The following COMMD10 variants were observed in gnomAD, a reference collection of about 807,000 sequenced individuals.
The protein encoded by COMMD10 is COMM domain-containing protein 10.
Under a neutral mutation model 28.9 loss-of-function variants are expected in COMMD10, and 33 were observed. The ratio of observed to expected loss-of-function variants is 1.14; its 90% CI spans 0.87 to 1.53. The LOEUF is 1.53. Ranked by LOEUF, COMMD10 falls within the 40% of genes most tolerant of loss-of-function variation. COMMD10 has a pLI of 0.00. For synonymous variants in COMMD10, 110 were observed against 81.7 expected (o/e 1.35, Z -1.87); for missense variants, 310 against 233.4 (o/e 1.33, Z -2.14).
chr5:116,255,356 T>G (rs1179122868), intron 5 of COMMD10, among the ~76,000 whole-genome samples: 2 of 151,676 alleles, frequency 1.3e-5, no homozygotes, highest in Non-Finnish European at 2.9e-5. Flanking sequence ...GTTAGCTGGT[T>G]ATTTTGCTCG....
chr5:116,253,934 TTC>T (rs1278587101), intron 5 of COMMD10, among the ~76,000 whole-genome samples: 3 of 151,964 alleles, frequency 2.0e-5, no homozygotes, highest in Admixed American at 6.6e-5. Context: ...TCCTGGACTC[TTC>T]TTGGTTGGTA....
At chr5:116,127,061 A>G (rs1392379121) in intron 4 of COMMD10, among the ~76,000 whole-genome samples, 1 of 152,230 alleles carries the variant, frequency 6.6e-6, no homozygotes, top group Non-Finnish European at 1.5e-5. Context: ...TCTACAAAGA[A>G]CTTGAACAAA....
intron 4 of COMMD10, among the ~76,000 whole-genome samples, chr5:116,122,727 T>C (rs1201175702): frequency 6.6e-6 from 1 of 152,198 alleles, no homozygotes; most frequent in Non-Finnish European, 1.5e-5. Context: ...CTAGGTATTT[T>C]ATTCTCTTTG....
At chr5:116,230,277 C>T (rs1025505098) in intron 5 of COMMD10, among the ~76,000 whole-genome samples, 1 of 152,008 alleles carries the variant, frequency 6.6e-6, no homozygotes, top group African/African-American at 2.4e-5. Context: ...GGTGTAGTAG[C>T]ATCTTAAAAT....
At chr5:116,205,109 A>G (rs1208461020) in intron 5 of COMMD10, among the ~76,000 whole-genome samples, 3 of 152,192 alleles carry the variant, frequency 2.0e-5, no homozygotes, top group African/African-American at 7.2e-5. Flanking sequence ...GATGGTCATG[A>G]TCTGGTTTGT....
chr5:116,166,685 T>C (rs1478811909), intron 5 of COMMD10, among the ~76,000 whole-genome samples: 1 of 152,084 alleles, frequency 6.6e-6, no homozygotes, highest in Non-Finnish European at 1.5e-5. Context: ...CCTCCTCTGG[T>C]GATACCCAGG....
intron 1 of COMMD10, chr5:116,085,466 C>T: frequency 3.9e-6 from 1 of 255,622 alleles, no homozygotes; most frequent in South Asian, 8.6e-5. Context: ...GATTTCAGTT[C>T]CGGTTCAGAC....
rs190916928 is a variant in COMMD10 at position 116,273,781 on chromosome 5, A to G, written c.511-17736A>G. Among the ~76,000 whole-genome samples the G allele has an allele frequency of 1.8e-3, 270 of 151,820 alleles. 1 individual carries two copies. The highest frequency in any genetic ancestry group is 3.4e-3 in the Middle Eastern group (1 of 294). Reference sequence around the variant, plus strand: ...ACTGGAGTTTTGAAACTGACACTCAAATTTTTTATTGACTTCATATGAATA... The same window carrying G: ...ACTGGAGTTTTGAAACTGACACTCAGATTTTTTATTGACTTCATATGAATA... On this transcript the variant is annotated intron_variant, in intron 5 of 6. Coordinates refer to ENST00000274458, the MANE Select transcript of COMMD10 (RefSeq NM_016144.4).
At chr5:116,286,081 T>C (rs1483211238) in intron 5 of COMMD10, among the ~76,000 whole-genome samples, 1 of 151,872 alleles carries the variant, frequency 6.6e-6, no homozygotes, top group African/African-American at 2.4e-5. Context: ...ATTCATGATT[T>C]AGTCTTAGTA....
At chr5:116,292,188 G>C (rs1314692767) in intron 6 of COMMD10, among the ~76,000 whole-genome samples, 1 of 151,316 alleles carries the variant, frequency 6.6e-6, no homozygotes, top group African/African-American at 2.4e-5. Context: ...AAAGGAAACA[G>C]CTGAAGACAC....
At chr5:116,101,205 G>T (rs765005359) in intron 4 of COMMD10, among the ~76,000 whole-genome samples, 1 of 152,098 alleles carries the variant, frequency 6.6e-6, no homozygotes, top group East Asian at 1.9e-4. Flanking sequence ...TGATAAACAG[G>T]AGTGCAAGTA....
chr5:116,286,301 A>G (rs1751216026), intron 5 of COMMD10, among the ~76,000 whole-genome samples: 1 of 148,404 alleles, frequency 6.7e-6, no homozygotes, highest in Middle Eastern at 3.4e-3. Context: ...TGATCTTTTT[A>G]AAAAACTAAC....
chr5:116,109,842 T>C (rs1179084764), intron 4 of COMMD10, among the ~76,000 whole-genome samples: 1 of 152,256 alleles, frequency 6.6e-6, no homozygotes, highest in Non-Finnish European at 1.5e-5. Flanking sequence ...TTTTACTTTC[T>C]CTTTTCCCAT....
chr5:116,138,307 A>G (rs1296240495), intron 5 of COMMD10, among the ~76,000 whole-genome samples: 2 of 151,814 alleles, frequency 1.3e-5, no homozygotes, highest in African/African-American at 2.4e-5. Context: ...TAATTTCTTC[A>G]TGAGAAAAAA....
chr5:116,252,295 T>G (rs1332409822), intron 5 of COMMD10, among the ~76,000 whole-genome samples: 1 of 142,786 alleles, frequency 7.0e-6, no homozygotes, highest in Non-Finnish European at 1.5e-5. Flanking sequence ...CAGAAGCTCT[T>G]TAGTTTAATT....
chr5:116,129,216 A>G (rs1031124575), intron 4 of COMMD10, among the ~76,000 whole-genome samples: 2 of 151,168 alleles, frequency 1.3e-5, no homozygotes, highest in East Asian at 3.9e-4. Flanking sequence ...AGCCCCATAT[A>G]TTCTTTATCC....
intron 5 of COMMD10, among the ~76,000 whole-genome samples, chr5:116,194,287 C>G (rs1331500757): frequency 1.3e-5 from 2 of 151,914 alleles, no homozygotes; most frequent in African/African-American, 4.8e-5. Flanking sequence ...CAAACCAAAC[C>G]CAAACCCAGC....
At chr5:116,121,556 C>G (rs1014956964) in intron 4 of COMMD10, among the ~76,000 whole-genome samples, 2 of 152,214 alleles carry the variant, frequency 1.3e-5, no homozygotes, top group Non-Finnish European at 2.9e-5. Flanking sequence ...GGAATCGCCA[C>G]ACTGTCTTCC....
At chr5:116,191,460 G>A (rs1274534931) in intron 5 of COMMD10, among the ~76,000 whole-genome samples, 1 of 151,940 alleles carries the variant, frequency 6.6e-6, no homozygotes, top group Non-Finnish European at 1.5e-5. Flanking sequence ...GGGGCTCGGT[G>A]GGAGTGAGAC....
Sources: allele counts gnomAD v4.1 joint callset (sites outside exome capture counted in the v4.1 genomes callset), GRCh38; gene constraint gnomAD v4.1.1; transcripts MANE v1.5; gene names NCBI Gene and HGNC (gene_info 2026-07-23, HGNC 2026-07-21).